The following NKAIN3 variants were observed in gnomAD, a reference collection of about 807,000 sequenced individuals.
NKAIN3 encodes the protein sodium/potassium-transporting ATPase subunit beta-1-interacting protein 3.
Under a neutral mutation model 30.2 loss-of-function variants are expected in NKAIN3, and 25 were observed. That is an observed-to-expected ratio of 0.83 (90% CI 0.60 to 1.16). The LOEUF is 1.16. Among genes scored for constraint, NKAIN3 ranks in the 50% most tolerant of loss-of-function variants. The pLI is 0.00. For missense variants in NKAIN3, 225 were observed against 254.1 expected (o/e 0.89, Z 0.78); for synonymous variants, 91 against 89.6 (o/e 1.02, Z -0.09).
chr8:62,577,358 C>T (rs564487092), intron 1 of NKAIN3, among the ~76,000 whole-genome samples: 4 of 151,982 alleles, frequency 2.6e-5, no homozygotes, highest in Non-Finnish European at 5.9e-5. Flanking sequence ...AGAATGTTAT[C>T]CATGCATCTA....
Position 62,965,342 on chromosome 8 carries a change from T to G in NKAIN3, c.604-12T>G. 1 of 985,840 alleles carries G rather than the reference T, an allele frequency of 1.0e-6. No homozygotes were observed. The highest frequency in any genetic ancestry group is 1.2e-6 in the Non-Finnish European group (1 of 829,896). The allele number at this position is 985,840 out of a possible 1,614,324, so 61.1% of individuals were successfully genotyped here. On this transcript the variant is annotated splice_polypyrimidine_tract_variant and intron_variant, in intron 6 of 6. Transcript: ENST00000623646. ...TGAAGTTCTTGAAAGCAATTCGTAT[T>G]TTCTGTTTTAGGTCGAAATAAGTAA...
intron 1 of NKAIN3, among the ~76,000 whole-genome samples, chr8:62,258,865 G>A (rs1206292330): frequency 6.6e-6 from 1 of 152,138 alleles, no homozygotes; most frequent in Non-Finnish European, 1.5e-5. Flanking sequence ...AAAATAGTGT[G>A]AGGAAGAAAA....
In NKAIN3 at chr8:62,249,034, G is replaced by A. The variant is rs889557752; in HGVS notation, c.-40G>A. The A allele has an allele frequency of 4.5e-5, 69 of 1,520,342 alleles. No individual in the cohort carries two copies. The highest frequency in any genetic ancestry group is 6.1e-5 in the Non-Finnish European group (69 of 1,132,470). 94.2% of individuals were successfully genotyped at this position (1,520,342 alleles called of 1,614,324 possible). On this transcript the variant is annotated 5_prime_UTR_variant, in exon 1 of 7. Transcript: ENST00000623646. ...GGAGGCAGCAGCGGCGGAGGACGAG[G>A]ATCTCTGGCAGTCAGCGCCGCTCGG...
At chr8:62,947,819 C>G (rs960190084) in intron 5 of NKAIN3, among the ~76,000 whole-genome samples, 6 of 152,242 alleles carry the variant, frequency 3.9e-5, no homozygotes, top group Non-Finnish European at 2.9e-5. Flanking sequence ...AACAGCCTGT[C>G]TTGACTTGCC....
chr8:62,386,978 AGAT>A (rs1186720209), intron 1 of NKAIN3, among the ~76,000 whole-genome samples: 2 of 152,136 alleles, frequency 1.3e-5, no homozygotes, highest in African/African-American at 4.8e-5. Context: ...ACTTTATAAT[AGAT>A]TATACTTCTT....
rs140322488 is a variant in NKAIN3, at chr8:62,922,147, C to T, written c.532+3634C>T. Among the ~76,000 whole-genome samples, 734 of 152,262 alleles carry T rather than the reference C, an allele frequency of 4.8e-3. 8 individuals are homozygous for T. The highest frequency in any genetic ancestry group is 0.017 in the African/African-American group (710 of 41,548). ...TTACATTAAAAAGCTCTAAATAGTTCTTTATATAAACATTTGACCCTTGCT... is the reference window on the plus strand; with the variant it reads ...TTACATTAAAAAGCTCTAAATAGTTTTTTATATAAACATTTGACCCTTGCT... On this transcript the variant is annotated intron_variant, in intron 5 of 6. Transcript: ENST00000623646.
At chr8:62,500,741 G>A (rs978238548) in intron 1 of NKAIN3, among the ~76,000 whole-genome samples, 6 of 152,150 alleles carry the variant, frequency 3.9e-5, no homozygotes, top group Non-Finnish European at 7.4e-5. Context: ...CAAGAGGGAG[G>A]TTGTCATGGA....
chr8:62,440,618 A>G, intron 1 of NKAIN3, among the ~76,000 whole-genome samples: 1 of 152,074 alleles, frequency 6.6e-6, no homozygotes, highest in East Asian at 1.9e-4. Context: ...TTTTGTTACC[A>G]AAAAACCCAA....
intron 4 of NKAIN3, among the ~76,000 whole-genome samples, chr8:62,764,792 TGAGA>T (rs1816780809): frequency 6.6e-6 from 1 of 152,204 alleles, no homozygotes; most frequent in Non-Finnish European, 1.5e-5. Flanking sequence ...CCTCAAATCA[TGAGA>T]TTTATGTGTC....
intron 1 of NKAIN3, among the ~76,000 whole-genome samples, chr8:62,254,718 G>T (rs1812213172): frequency 6.6e-6 from 1 of 152,048 alleles, no homozygotes; most frequent in Non-Finnish European, 1.5e-5. Flanking sequence ...TAGGAAGCCA[G>T]GTCTGTGGAA....
intron 5 of NKAIN3, among the ~76,000 whole-genome samples, chr8:62,939,645 A>G (rs1218576052): frequency 6.6e-6 from 1 of 152,170 alleles, no homozygotes; most frequent in African/African-American, 2.4e-5. Flanking sequence ...TTTTGTATCC[A>G]ACAAAACCAA....
chr8:62,557,512 A>G (rs1165262235), intron 1 of NKAIN3, among the ~76,000 whole-genome samples: 1 of 152,178 alleles, frequency 6.6e-6, no homozygotes, highest in East Asian at 1.9e-4. Context: ...GTACTAGTTT[A>G]CATTCCCACC....
intron 1 of NKAIN3, among the ~76,000 whole-genome samples, chr8:62,526,018 A>G (rs527280390): frequency 6.6e-6 from 1 of 152,226 alleles, no homozygotes; most frequent in Non-Finnish European, 1.5e-5. Context: ...ACCCAGGTTT[A>G]TGGGAGCGGA....
chr8:62,360,551 T>C (rs1816524801), intron 1 of NKAIN3, among the ~76,000 whole-genome samples: 1 of 152,208 alleles, frequency 6.6e-6, no homozygotes, highest in Non-Finnish European at 1.5e-5. Context: ...TAGTTCATTT[T>C]AAGTCTCAGA....
chr8:62,524,996 T>G (rs529015449), intron 1 of NKAIN3, among the ~76,000 whole-genome samples: 414 of 151,886 alleles, frequency 2.7e-3, no homozygotes, highest in African/African-American at 8.6e-3. Context: ...TCTATTGTTC[T>G]GTCAACTCTC....
chr8:62,803,976 C>A (rs1276386999), intron 4 of NKAIN3, among the ~76,000 whole-genome samples: 1 of 152,134 alleles, frequency 6.6e-6, no homozygotes, highest in Non-Finnish European at 1.5e-5. Flanking sequence ...TGAGAGAATA[C>A]TACAAACACC....
intron 1 of NKAIN3, among the ~76,000 whole-genome samples, chr8:62,407,602 T>G (rs1438018726): frequency 6.6e-6 from 1 of 152,104 alleles, no homozygotes; most frequent in East Asian, 1.9e-4. Flanking sequence ...TTTTGTAAAT[T>G]TTGTATTTTT....
chr8:62,805,532 A>C (rs867044399), intron 4 of NKAIN3, among the ~76,000 whole-genome samples: 21 of 152,188 alleles, frequency 1.4e-4, no homozygotes, highest in African/African-American at 5.1e-4. Flanking sequence ...GACAAACCTG[A>C]GAAAAACAAG....
intron 4 of NKAIN3, among the ~76,000 whole-genome samples, chr8:62,836,007 TA>T (rs529860514): frequency 6.6e-6 from 1 of 151,598 alleles, no homozygotes; most frequent in African/African-American, 2.4e-5. Flanking sequence ...ATGCAGGCAT[TA>T]AAAAAAAGCA....
Sources: gnomAD v4.1 joint callset for allele counts (sites outside exome capture counted in the v4.1 genomes callset) on GRCh38, gnomAD v4.1.1 for gene constraint, MANE v1.5 for transcripts, NCBI Gene and HGNC (gene_info 2026-07-23, HGNC 2026-07-21) for gene names.